PCCA: variants seen among roughly 807,000 people sequenced by gnomAD.
PCCA encodes propionyl-CoA carboxylase alpha chain, mitochondrial.
In PCCA, 74 loss-of-function variants were observed where a neutral mutation model predicts 101.3. The observed-to-expected ratio is 0.73, with a 90% CI of 0.61 to 0.89. The LOEUF (loss-of-function observed/expected upper bound fraction) is 0.89, where lower values mean the gene tolerates loss of function less well. Among genes scored for constraint, PCCA ranks in the 40% least tolerant of loss-of-function variants. The pLI, the probability that PCCA is intolerant of heterozygous loss-of-function variation, is 0.00. For missense variants in PCCA, 891 were observed against 907.0 expected, an observed-to-expected ratio of 0.98 and a Z score of 0.23; for synonymous variants, 294 against 313.6, an observed-to-expected ratio of 0.94 and a Z score of 0.66.
intron 16 of PCCA, 27 bp downstream of exon 16, chr13:100,309,935 G>T (rs2066775122): frequency 2.6e-6 from 4 of 1,531,228 alleles, no homozygotes; most frequent in African/African-American, 2.7e-5. Flanking sequence ...GCACTCGTTG[G>T]TTATTGTATA....
At chr13:100,308,287 T>G (rs2066623270) in intron 15 of PCCA, among the ~76,000 whole-genome samples, 1 of 152,214 alleles carries the variant, frequency 6.6e-6, no homozygotes, top group African/African-American at 2.4e-5. Flanking sequence ...ATAGTTGCAG[T>G]AAACAAACAC....
intron 19 of PCCA, among the ~76,000 whole-genome samples, chr13:100,412,845 A>C (rs2078138605): frequency 6.6e-6 from 1 of 152,186 alleles, no homozygotes; most frequent in Non-Finnish European, 1.5e-5. Flanking sequence ...AATGAAAAGA[A>C]AAAGGAGTTT....
chr13:100,145,989 T>C (rs2052507545), intron 4 of PCCA, among the ~76,000 whole-genome samples: 1 of 147,090 alleles, frequency 6.8e-6, no homozygotes, highest in South Asian at 2.2e-4. Flanking sequence ...CAGGCTGGAG[T>C]GCGCTGGTGC....
At chr13:100,465,685 C>T (rs543364833) in intron 21 of PCCA, among the ~76,000 whole-genome samples, 2 of 152,278 alleles carry the variant, frequency 1.3e-5, no homozygotes, top group South Asian at 4.2e-4. Context: ...CCTTGGCGTC[C>T]ACCAACTAGA....
chr13:100,097,987 A>G (rs572521544), intron 1 of PCCA, among the ~76,000 whole-genome samples: 12 of 152,110 alleles, frequency 7.9e-5, no homozygotes, highest in African/African-American at 2.4e-4. Flanking sequence ...TCCTATCACT[A>G]CACTTCAGTC....
chr13:100,316,758 AAT>A lies in PCCA; in HGVS notation c.1429+6857_1429+6858del, dbSNP rs150215142. Among the ~76,000 whole-genome samples, 3 of 151,900 alleles carry A rather than the reference AAT, an allele frequency of 2.0e-5. No individual in the cohort carries two copies. The East Asian group carries it at 5.8e-4, about 29-fold the overall frequency. On this transcript the variant is annotated intron_variant, in intron 16 of 23. Transcript: ENST00000376285. ...CAGTAAAGTTAAATATGAAATATTA[AAT>A]ATATATGTTAATAGTATTCTTTTTT... is the stretch of plus-strand genomic sequence containing the variant.
intron 2 of PCCA, among the ~76,000 whole-genome samples, chr13:100,109,879 C>G (rs2048144783): frequency 5.3e-5 from 8 of 152,168 alleles, no homozygotes; most frequent in Admixed American, 5.2e-4. Context: ...GGCTTGTAAT[C>G]CCAGCACTTT....
intron 19 of PCCA, among the ~76,000 whole-genome samples, chr13:100,424,916 T>A (rs942768286): frequency 6.6e-6 from 1 of 152,188 alleles, no homozygotes; most frequent in African/African-American, 2.4e-5. Context: ...GGAATAAGCA[T>A]CAGTGAGTGA....
chr13:100,469,702 A>C (rs7318220), intron 21 of PCCA, among the ~76,000 whole-genome samples: 15,721 of 150,678 alleles, frequency 0.1, 1,365 homozygotes, highest in African/African-American at 0.24. Context: ...ATCGCTTGAA[A>C]CCCGGAGGCT....
intron 4 of PCCA, among the ~76,000 whole-genome samples, chr13:100,118,241 TAAGAA>T (rs2049019951): frequency 6.6e-6 from 1 of 152,172 alleles, no homozygotes; most frequent in South Asian, 2.1e-4. Context: ...TTATGAAACC[TAAGAA>T]AATAACTCAT....
intron 8 of PCCA, among the ~76,000 whole-genome samples, chr13:100,249,214 A>G (rs551087069): frequency 6.6e-6 from 1 of 152,316 alleles, no homozygotes; most frequent in Non-Finnish European, 1.5e-5. Context: ...TTCTCTAGAA[A>G]TTTTATAGTT....
intron 12 of PCCA, among the ~76,000 whole-genome samples, chr13:100,281,725 A>G (rs909598903): frequency 2.0e-5 from 3 of 152,140 alleles, no homozygotes; most frequent in Non-Finnish European, 4.4e-5. Context: ...GGAGTATTCC[A>G]TGCCTAATTT....
chr13:100,160,601 T>G (rs1556799), intron 6 of PCCA: 50,703 of 151,994 alleles, frequency 0.33, 9,375 homozygotes, highest in East Asian at 0.72. Flanking sequence ...ATAGCAATTT[T>G]CAATAATTTT....
At chr13:100,276,262 G>A (rs1299880289) in intron 12 of PCCA, among the ~76,000 whole-genome samples, 3 of 145,752 alleles carry the variant, frequency 2.1e-5, no homozygotes, top group Admixed American at 1.4e-4. Flanking sequence ...TCTTAGTTTG[G>A]CCAGTATTTT....
intron 16 of PCCA, among the ~76,000 whole-genome samples, chr13:100,325,519 G>C (rs923577556): frequency 2.0e-5 from 3 of 152,070 alleles, no homozygotes; most frequent in East Asian, 1.9e-4. Flanking sequence ...TAATGCAGAC[G>C]CAAGTGCCTT....
chr13:100,266,561 A>G lies in PCCA; in HGVS notation c.820-2128A>G, dbSNP rs2062949334. On this transcript the variant is annotated intron_variant, in intron 10 of 23. Transcript: ENST00000376285. ...GTAAGCATCCCTTTTACTCTATTCT[A>G]AGTCCTCTAGTTTCTGTCCCTAAAT... 3.9e-5 allele frequency among the ~76,000 whole-genome samples: 6 copies of G among 152,308 alleles called. No individual in the cohort carries two copies. In the South Asian group the frequency reaches 1.2e-3, roughly 32 times the overall value.
At chr13:100,172,191 A>G (rs1357184491) in intron 6 of PCCA, among the ~76,000 whole-genome samples, 2 of 150,844 alleles carry the variant, frequency 1.3e-5, no homozygotes. Flanking sequence ...ACAGAGCAAA[A>G]CCCTGTCTCA....
chr13:100,317,865 G>A (rs547868210), intron 16 of PCCA, among the ~76,000 whole-genome samples: 1 of 152,260 alleles, frequency 6.6e-6, no homozygotes, highest in South Asian at 2.1e-4. Flanking sequence ...TGCAATAACA[G>A]GCATGAGCCA....
At chr13:100,228,149 G>A (rs2060257576) in intron 7 of PCCA, among the ~76,000 whole-genome samples, 1 of 152,012 alleles carries the variant, frequency 6.6e-6, no homozygotes, top group Admixed American at 6.6e-5. Context: ...CGGAGTAGCT[G>A]GGATTAAAGG....
Sources: allele counts gnomAD v4.1 joint callset (sites outside exome capture counted in the v4.1 genomes callset), GRCh38; gene constraint gnomAD v4.1.1; transcripts MANE v1.5; gene names NCBI Gene and HGNC (gene_info 2026-07-23, HGNC 2026-07-21).